The following EDA variants were observed in gnomAD, a reference collection of about 807,000 sequenced individuals.
EDA encodes ectodysplasin-A.
Under a neutral mutation model 23.6 loss-of-function variants are expected in EDA, and 2 were observed. That is an observed-to-expected ratio of 0.08 (90% CI 0.03 to 0.27). EDA has a LOEUF of 0.27. EDA is among the 10% of genes least tolerant of loss of function. The pLI, the probability that EDA is intolerant of heterozygous loss-of-function variation, is 1.00. For synonymous variants in EDA, 131 were observed against 132.0 expected (o/e 0.99, Z 0.05); for missense variants, 229 against 324.2 (o/e 0.71, Z 2.26).
intron 1 of EDA, among the ~76,000 whole-genome samples, chrX:69,775,660 ATTTAT>A (rs974317095): frequency 2.9e-4 from 32 of 112,080 alleles, no homozygotes; most frequent in African/African-American, 9.7e-4. Context: ...AATTGGTATG[ATTTAT>A]TTTATAAGTC....
intron 1 of EDA, among the ~76,000 whole-genome samples, chrX:69,732,542 T>C (rs992619086): frequency 1.2e-4 from 13 of 112,507 alleles, no homozygotes; most frequent in African/African-American, 4.2e-4. Flanking sequence ...CTGTTGTGAA[T>C]AGTGCCACAA....
chrX:69,849,041 G>A (rs1431551698), intron 1 of EDA, among the ~76,000 whole-genome samples: 1 of 105,458 alleles, frequency 9.5e-6, no homozygotes, highest in Non-Finnish European at 1.9e-5. Context: ...CGTTTAACAT[G>A]TAGCATAATA....
At chrX:69,735,058 G>A (rs191425518) in intron 1 of EDA, among the ~76,000 whole-genome samples, 39 of 111,266 alleles carry the variant, frequency 3.5e-4, no homozygotes, top group African/African-American at 9.8e-4. Flanking sequence ...GGTCTTGAAG[G>A]GCTGTTTACA....
intron 1 of EDA, among the ~76,000 whole-genome samples, chrX:69,845,565 C>T (rs906312069): frequency 1.8e-5 from 2 of 111,937 alleles, no homozygotes; most frequent in Non-Finnish European, 3.8e-5. Flanking sequence ...CAAATCTATT[C>T]GCTCAAGAAG....
chrX:69,791,140 CAA>C (rs1388902760), intron 1 of EDA, among the ~76,000 whole-genome samples: 1 of 111,573 alleles, frequency 9.0e-6, no homozygotes, highest in Non-Finnish European at 1.9e-5. Context: ...CCTGCTTCAA[CAA>C]ATATCAATTC....
chrX:69,638,876 A>G (rs1166239725), intron 1 of EDA, among the ~76,000 whole-genome samples: 1 of 111,366 alleles, frequency 9.0e-6, no homozygotes, highest in Non-Finnish European at 1.9e-5. Context: ...ATCTATTTCC[A>G]GAATGTTTTT....
intron 1 of EDA, among the ~76,000 whole-genome samples, chrX:69,894,330 C>T (rs2017976470): frequency 9.0e-6 from 1 of 111,435 alleles, no homozygotes. Flanking sequence ...AGTTTGAAGT[C>T]AGGTAAGGTG....
At chrX:69,956,827 C>T (rs1267420474) in intron 1 of EDA, among the ~76,000 whole-genome samples, 200 bp from the exon 2 acceptor site, 1 of 111,598 alleles carries the variant, frequency 9.0e-6, no homozygotes, top group Admixed American at 9.5e-5. Flanking sequence ...CAGAAATTAA[C>T]CAAAATGTCA....
intron 2 of EDA, among the ~76,000 whole-genome samples, chrX:69,994,233 T>C (rs145295431): frequency 0.012 from 1,330 of 112,009 alleles, 20 homozygotes; most frequent in African/African-American, 0.042. Flanking sequence ...AGTGATATTT[T>C]CTTCCTTGAG....
At chrX:69,952,648 C>T (rs756698668) in intron 1 of EDA, among the ~76,000 whole-genome samples, 5 of 112,028 alleles carry the variant, frequency 4.5e-5, no homozygotes, top group Non-Finnish European at 7.5e-5. Context: ...GTCCCATATT[C>T]ATCAACAACC....
At chrX:69,644,562 AAAGAT>A (rs1306511126) in intron 1 of EDA, among the ~76,000 whole-genome samples, 1 of 111,396 alleles carries the variant, frequency 9.0e-6, no homozygotes, top group Non-Finnish European at 1.9e-5. Context: ...ATCTGCAAAC[AAAGAT>A]AATTTGACTT....
At chrX:69,962,701 G>A (rs1239350623) in intron 2 of EDA, among the ~76,000 whole-genome samples, 1 of 111,781 alleles carries the variant, frequency 8.9e-6, no homozygotes, top group Non-Finnish European at 1.9e-5. Flanking sequence ...AAAGTGCTGG[G>A]ATCACAGGCA....
At chrX:69,961,021 AAAAGAAAAAAAAAGAAAGAAAG>A (rs1427294419) in intron 2 of EDA, among the ~76,000 whole-genome samples, 1 of 88,469 alleles carries the variant, frequency 1.1e-5, no homozygotes, top group Non-Finnish European at 2.1e-5. Context: ...TCCATCCAAA[AAAAGAAAAAAAAAGAAAGAAAG>A]AAAGAAAGAA....
chrX:69,699,052 G>A (rs370679603), intron 1 of EDA, among the ~76,000 whole-genome samples: 4 of 111,190 alleles, frequency 3.6e-5, no homozygotes, highest in African/African-American at 6.6e-5. Flanking sequence ...GCCTGGCCCC[G>A]GGCTTGGTGG....
At chrX:69,759,973 C>G (rs1364732251) in intron 1 of EDA, among the ~76,000 whole-genome samples, 1 of 109,349 alleles carries the variant, frequency 9.1e-6, no homozygotes, top group East Asian at 2.9e-4. Flanking sequence ...GGGCAAACAA[C>G]ATACCTTAAG....
intron 1 of EDA, among the ~76,000 whole-genome samples, chrX:69,784,916 A>C (rs959194370): frequency 7.2e-5 from 8 of 111,073 alleles, no homozygotes; most frequent in African/African-American, 1.6e-4. Flanking sequence ...GATTCTTCCT[A>C]CCCATGAGCA....
chrX:69,823,163 G>C (rs1389088786), intron 1 of EDA, among the ~76,000 whole-genome samples: 2 of 76,321 alleles, frequency 2.6e-5, no homozygotes, highest in African/African-American at 6.4e-5. Context: ...ACATACGTGT[G>C]CATGTGTCTT....
intron 1 of EDA, among the ~76,000 whole-genome samples, chrX:69,630,515 A>G (rs1932532857): frequency 8.9e-6 from 1 of 111,828 alleles, no homozygotes; most frequent in Admixed American, 9.5e-5. Context: ...GCTCTTAACC[A>G]ACTAGCATAT....
chrX:69,727,834 A>G (rs2012864019), intron 1 of EDA, among the ~76,000 whole-genome samples: 1 of 112,030 alleles, frequency 8.9e-6, no homozygotes, highest in African/African-American at 3.2e-5. Context: ...TGCTTTTGTC[A>G]GCTTACATTT....
Sources: gnomAD v4.1 joint callset for allele counts (sites outside exome capture counted in the v4.1 genomes callset) on GRCh38, gnomAD v4.1.1 for gene constraint, MANE v1.5 for transcripts, NCBI Gene and HGNC (gene_info 2026-07-23, HGNC 2026-07-21) for gene names.